DAB1: variants seen among roughly 807,000 people sequenced by gnomAD.
The protein encoded by DAB1 is disabled homolog 1.
In DAB1, 15 loss-of-function variants were observed where a neutral mutation model predicts 64.6. The observed-to-expected ratio is 0.23, with a 90% CI of 0.16 to 0.36. The LOEUF (loss-of-function observed/expected upper bound fraction) is 0.36. DAB1 is among the 10% of genes least tolerant of loss of function. DAB1 has a pLI of 1.00. For missense variants in DAB1, 596 were observed against 706.7 expected, an observed-to-expected ratio of 0.84 and a Z score of 1.78; for synonymous variants, 235 against 251.9, an observed-to-expected ratio of 0.93 and a Z score of 0.64.
intron 2 of DAB1, among the ~76,000 whole-genome samples, chr1:57,154,936 C>A (rs1460952823): frequency 6.6e-6 from 1 of 151,542 alleles, no homozygotes. Flanking sequence ...ATATTTAATC[C>A]CTTTTCAGGG....
At chr1:57,091,997 T>C (rs1653724070) in intron 4 of DAB1, among the ~76,000 whole-genome samples, 2 of 152,188 alleles carry the variant, frequency 1.3e-5, no homozygotes, top group Admixed American at 6.5e-5. Flanking sequence ...AGATGCATCA[T>C]TGACTCTCTC....
intron 3 of DAB1, among the ~76,000 whole-genome samples, chr1:58,437,231 G>A (rs1557760363): frequency 6.6e-6 from 1 of 152,176 alleles, no homozygotes; most frequent in African/African-American, 2.4e-5. Context: ...TGAATCTCTG[G>A]GTCTTGGGAG....
intron 4 of DAB1, among the ~76,000 whole-genome samples, chr1:58,328,290 G>A (rs1026359345): frequency 3.3e-5 from 5 of 152,264 alleles, no homozygotes; most frequent in Middle Eastern, 3.4e-3. Flanking sequence ...TATCAATTTC[G>A]CTTTCTAAGT....
At chr1:57,065,891 C>T (rs915001639) in intron 8 of DAB1, among the ~76,000 whole-genome samples, 1 of 152,176 alleles carries the variant, frequency 6.6e-6, no homozygotes, top group African/African-American at 2.4e-5. Context: ...CATCTCATCC[C>T]CGTGCCAGAC....
intron 6 of DAB1, among the ~76,000 whole-genome samples, chr1:57,761,761 T>G (rs1649100497): frequency 6.6e-6 from 1 of 152,216 alleles, no homozygotes; most frequent in Non-Finnish European, 1.5e-5. Context: ...TTGTGACACG[T>G]GGGCCCAGAT....
upstream of DAB1, among the ~76,000 whole-genome samples, chr1:57,886,800 T>C (rs1202826): frequency 0.22 from 33,564 of 152,104 alleles, 4,336 homozygotes; most frequent in Admixed American, 0.34. Context: ...AGCTGTGTGA[T>C]ATTTGGCAAG....
chr1:58,159,674 C>T (rs1335044910), intron 4 of DAB1, among the ~76,000 whole-genome samples: 1 of 152,216 alleles, frequency 6.6e-6, no homozygotes, highest in African/African-American at 2.4e-5. Context: ...CTGGGTTGCA[C>T]CCAAGGTACG....
chr1:57,217,187 C>T (rs1419330257), intron 2 of DAB1, among the ~76,000 whole-genome samples: 1 of 152,168 alleles, frequency 6.6e-6, no homozygotes, highest in Non-Finnish European at 1.5e-5. Context: ...TAGTTTCCTC[C>T]TGAAATACCT....
intron 4 of DAB1, among the ~76,000 whole-genome samples, chr1:58,307,414 A>T (rs1454808006): frequency 6.6e-6 from 1 of 152,184 alleles, no homozygotes; most frequent in African/African-American, 2.4e-5. Context: ...CTTTCCAATA[A>T]AAGGGATAAC....
At chr1:58,195,125 GGA>G (rs746199650) in intron 4 of DAB1, among the ~76,000 whole-genome samples, 8 of 140,102 alleles carry the variant, frequency 5.7e-5, no homozygotes, top group African/African-American at 1.6e-4. Flanking sequence ...AGGGCCACCA[GGA>G]GAGAGAGAGA....
At chr1:57,788,992 T>G (rs1046630267) in intron 6 of DAB1, among the ~76,000 whole-genome samples, 1 of 151,722 alleles carries the variant, frequency 6.6e-6, no homozygotes, top group Non-Finnish European at 1.5e-5. Flanking sequence ...CATTACCAAC[T>G]CCCCCCACCC....
Position 56,999,563 on chromosome 1 carries a change from G to A in DAB1, c.*16-1435C>T, listed in dbSNP as rs1404875769. Among the ~76,000 whole-genome samples the A allele has an allele frequency of 2.6e-5, 4 of 152,176 alleles. No homozygotes were observed. The South Asian group carries it at 6.2e-4, about 24-fold the overall frequency. On this transcript the variant is annotated intron_variant, in intron 14 of 14. Coordinates refer to ENST00000371236, the MANE Select transcript of DAB1 (RefSeq NM_001365792.1). ...ATAAAAACTGAAGTTCTGAAAGGTT[G>A]TGTGATCTCAAGGTCATTGTGCTGT...
At chr1:58,227,498 C>T (rs1659552906) in intron 4 of DAB1, among the ~76,000 whole-genome samples, 1 of 152,194 alleles carries the variant, frequency 6.6e-6, no homozygotes, top group Non-Finnish European at 1.5e-5. Context: ...GACCTACTTA[C>T]TAGGATTCAG....
chr1:57,484,888 G>A (rs1261856101), intron 7 of DAB1, among the ~76,000 whole-genome samples: 1 of 152,124 alleles, frequency 6.6e-6, no homozygotes, highest in Admixed American at 6.6e-5. Flanking sequence ...TGAACAAGTT[G>A]CCTCAAAAAC....
At chr1:57,777,632 T>C (rs1649874530) in intron 6 of DAB1, among the ~76,000 whole-genome samples, 1 of 152,168 alleles carries the variant, frequency 6.6e-6, no homozygotes, top group South Asian at 2.1e-4. Flanking sequence ...TTGATTCTTT[T>C]ATTTATATAG....
chr1:57,816,344 C>A (rs1454949363), intron 6 of DAB1, among the ~76,000 whole-genome samples: 1 of 152,206 alleles, frequency 6.6e-6, no homozygotes, highest in African/African-American at 2.4e-5. Flanking sequence ...TCAACACCTT[C>A]CTCTAGTTGT....
chr1:58,122,732 C>G (rs943464161), intron 5 of DAB1, among the ~76,000 whole-genome samples: 2 of 152,158 alleles, frequency 1.3e-5, no homozygotes, highest in Non-Finnish European at 2.9e-5. Context: ...CTCTGAGCTT[C>G]ATGTCTTTGT....
intron 6 of DAB1, among the ~76,000 whole-genome samples, chr1:57,695,299 G>GGAAAGAAAGAAAGAAAGAAAGAAAGAAA (rs763060862): frequency 1.6e-4 from 6 of 37,250 alleles, no homozygotes; most frequent in African/African-American, 2.0e-4. Context: ...GGAGAGAGAA[G>GGAAAGAAAGAAAGAAAGAAAGAAAGAAA]GAAAGAAAGA....
intron 5 of DAB1, among the ~76,000 whole-genome samples, chr1:58,058,063 G>A (rs1223833791): frequency 2.6e-5 from 4 of 152,062 alleles, no homozygotes; most frequent in South Asian, 2.1e-4. Context: ...ATGACTGGTT[G>A]TAACACCATT....
Sources: gnomAD v4.1 joint callset for allele counts (sites outside exome capture counted in the v4.1 genomes callset) on GRCh38, gnomAD v4.1.1 for gene constraint, MANE v1.5 for transcripts, NCBI Gene and HGNC (gene_info 2026-07-23, HGNC 2026-07-21) for gene names.